Variants in IL7 observed in about 807,000 individuals in gnomAD.
IL7 encodes interleukin 7.
A neutral mutation model predicts 21.6 loss-of-function variants in IL7; 3 were observed. The observed-to-expected ratio is 0.14, with a 90% CI of 0.06 to 0.36. The LOEUF (loss-of-function observed/expected upper bound fraction) is 0.36. Ranked by LOEUF, IL7 falls within the 10% of genes least tolerant of loss-of-function variation. The pLI is 1.00. For missense variants in IL7, 175 were observed against 200.2 expected (o/e 0.87, Z 0.76); for synonymous variants, 62 against 68.1 (o/e 0.91, Z 0.44).
rs1295935192 is a variant in IL7 at position 78,675,929 on chromosome 8, A to G, written n.449T>C. 5 of 1,385,170 alleles carry G rather than the reference A, an allele frequency of 3.6e-6. No homozygotes were observed. The South Asian group carries it at 3.7e-5, about 10-fold the overall frequency. 85.8% of individuals were successfully genotyped at this position (1,385,170 alleles called of 1,614,324 possible). A position where few individuals can be genotyped will look rare whatever the true frequency, so the allele number is the denominator to read the frequency against. ...TGTAATTGTTCAATAATTCTGGTCA[A>G]TTCTCATGGGAAGAATTTACGTGGA... On this transcript the variant is annotated non_coding_transcript_exon_variant, in exon 5 of 5. Transcript: ENST00000523959.
chr8:78,684,090 T>C (rs1809875681), intron 4 of IL7, among the ~76,000 whole-genome samples: 1 of 152,188 alleles, frequency 6.6e-6, no homozygotes. Context: ...TTCTGAGCCC[T>C]CCAAACTGTT....
At chr8:78,772,083 C>T (rs1415229570) in intron 2 of IL7, among the ~76,000 whole-genome samples, 1 of 152,150 alleles carries the variant, frequency 6.6e-6, no homozygotes, top group African/African-American at 2.4e-5. Context: ...TATCATTACA[C>T]TCCACAATCC....
intron 2 of IL7, among the ~76,000 whole-genome samples, chr8:78,748,338 T>A (rs745798492): frequency 1.3e-5 from 2 of 152,240 alleles, no homozygotes; most frequent in Non-Finnish European, 2.9e-5. Context: ...GTGCTTAACA[T>A]AATTATTTAT....
At chr8:78,787,200 T>C (rs535354255) in intron 2 of IL7, among the ~76,000 whole-genome samples, 99 of 152,228 alleles carry the variant, frequency 6.5e-4, no homozygotes, top group Non-Finnish European at 1.2e-3. Flanking sequence ...GGATCCCCAT[T>C]GTACAGCCAG....
At chr8:78,736,068 A>G (rs1188163741) in intron 5 of IL7, among the ~76,000 whole-genome samples, 1 of 151,182 alleles carries the variant, frequency 6.6e-6, no homozygotes, top group Admixed American at 6.6e-5. Context: ...TAAAAGAGGT[A>G]TATATAAGAT....
chr8:78,693,735 A>G, intron 3 of IL7, among the ~76,000 whole-genome samples: 1 of 152,072 alleles, frequency 6.6e-6, no homozygotes, highest in East Asian at 1.9e-4. Flanking sequence ...TCTTTAGTTG[A>G]ATTAGATCCC....
chr8:78,730,081 G>T (rs1187594135), downstream of IL7, among the ~76,000 whole-genome samples: 1 of 151,926 alleles, frequency 6.6e-6, no homozygotes, highest in South Asian at 2.1e-4. Context: ...TTTTAATGTT[G>T]CCCCTTGCCT....
At chr8:78,686,144 G>A (rs1447654414) in intron 3 of IL7, among the ~76,000 whole-genome samples, 2 of 152,066 alleles carry the variant, frequency 1.3e-5, no homozygotes, top group African/African-American at 4.8e-5. Context: ...TGTTATAATG[G>A]CAATTACATT....
chr8:78,775,284 T>C (rs1284254467), intron 2 of IL7, among the ~76,000 whole-genome samples: 3 of 152,138 alleles, frequency 2.0e-5, no homozygotes, highest in Non-Finnish European at 2.9e-5. Context: ...TGCATAACTA[T>C]TGAAAACCTG....
At chr8:78,762,302 T>G (rs1443980953) in intron 2 of IL7, 1 of 1,596,884 alleles carries the variant, frequency 6.3e-7, no homozygotes, top group Non-Finnish European at 8.6e-7. Context: ...ATCTTCTAAG[T>G]CTGCTCTCCT....
intron 1 of IL7, among the ~76,000 whole-genome samples, chr8:78,803,726 T>C (rs1035619305): frequency 6.6e-6 from 1 of 152,180 alleles, no homozygotes; most frequent in Admixed American, 6.5e-5. Context: ...ACTATGGGCA[T>C]TGCAAGGAAA....
chr8:78,762,812 G>T (rs1233760932), intron 2 of IL7, among the ~76,000 whole-genome samples: 1 of 151,982 alleles, frequency 6.6e-6, no homozygotes, highest in Non-Finnish European at 1.5e-5. Flanking sequence ...TTCCTTCAGA[G>T]GTGTCATTTT....
intron 2 of IL7, among the ~76,000 whole-genome samples, chr8:78,747,611 C>T (rs1290660027): frequency 6.6e-6 from 1 of 152,034 alleles, no homozygotes; most frequent in African/African-American, 2.4e-5. Flanking sequence ...CAATTTTTAC[C>T]ATTTGTCAGG....
chr8:78,761,180 C>A lies in IL7; in HGVS notation c.148-21098G>T, dbSNP rs572363955. 1.6e-5 allele frequency: 26 copies of A among 1,592,972 alleles called. No individual in the cohort carries two copies. The African/African-American group carries it at 3.0e-4, about 18-fold the overall frequency. On this transcript the variant is annotated intron_variant, in intron 2 of 5. Coordinates refer to ENST00000263851, the MANE Select transcript of IL7 (RefSeq NM_000880.4). ...ATGGCAGATTTCCTTCAGTTCTTTA[C>A]CCCTTTCTTTACTGTTCTGAAAAAG...
intron 2 of IL7, among the ~76,000 whole-genome samples, chr8:78,744,302 T>C (rs1811900172): frequency 6.6e-6 from 1 of 151,970 alleles, no homozygotes; most frequent in Admixed American, 6.5e-5. Context: ...AGGCCCTGGT[T>C]GGGAGGTCCT....
At chr8:78,757,883 T>C (rs1032598425) in intron 2 of IL7, among the ~76,000 whole-genome samples, 1 of 152,058 alleles carries the variant, frequency 6.6e-6, no homozygotes, top group Non-Finnish European at 1.5e-5. Flanking sequence ...TGACTCATGA[T>C]TGTGGGTCTT....
rs956598080 is a variant in IL7 at position 78,677,446 on chromosome 8, A to G, written n.274-1342T>C. 5.3e-5 allele frequency among the ~76,000 whole-genome samples: 8 copies of G among 152,114 alleles called. No individual in the cohort carries two copies. In the South Asian group the frequency reaches 1.0e-3, roughly 20 times the overall value. On this transcript the variant is annotated intron_variant and non_coding_transcript_variant, in intron 4 of 4. Transcript: ENST00000523959. ...CTGCAAAGTTTGAGTTCCAGAAGGGAGGAAAAGAATTAGTATGGGAGAAGG... is the reference window on the plus strand; with the variant it reads ...CTGCAAAGTTTGAGTTCCAGAAGGGGGGAAAAGAATTAGTATGGGAGAAGG...
chr8:78,721,814 T>C (rs2130633318), intron 3 of IL7, among the ~76,000 whole-genome samples: 1 of 152,140 alleles, frequency 6.6e-6, no homozygotes, highest in East Asian at 1.9e-4. Flanking sequence ...ACTTAGTAAT[T>C]TTATTTCTAA....
At chr8:78,780,924 G>A (rs1813307431) in intron 2 of IL7, among the ~76,000 whole-genome samples, 3 of 152,122 alleles carry the variant, frequency 2.0e-5, no homozygotes, top group African/African-American at 7.2e-5. Context: ...CCTGTATTGG[G>A]TGCATATATA....
Sources: allele counts gnomAD v4.1 joint callset (sites outside exome capture counted in the v4.1 genomes callset), GRCh38; gene constraint gnomAD v4.1.1; transcripts MANE v1.5; gene names NCBI Gene and HGNC (gene_info 2026-07-23, HGNC 2026-07-21).